Variants in PKHD1 observed in about 807,000 individuals in gnomAD.
The protein encoded by PKHD1 is PKHD1 ciliary IPT domain containing fibrocystin/polyductin, also known as fibrocystin.
In PKHD1, 291 loss-of-function variants were observed where a neutral mutation model predicts 412.0. The ratio of observed to expected loss-of-function variants is 0.71; its 90% CI spans 0.64 to 0.78. The LOEUF (loss-of-function observed/expected upper bound fraction) is 0.78, where lower values mean the gene tolerates loss of function less well. Among genes scored for constraint, PKHD1 ranks in the 30% least tolerant of loss-of-function variants. The pLI is 0.00. For missense variants in PKHD1, 4,825 were observed against 4,950.7 expected (o/e 0.97, Z 0.76); for synonymous variants, 1,777 against 1,821.5 (o/e 0.98, Z 0.62).
chr6:51,744,214 A>AT (rs1157590578), intron 60 of PKHD1, among the ~76,000 whole-genome samples, 171 bp downstream of exon 60: 1 of 131,320 alleles, frequency 7.6e-6, no homozygotes, highest in Non-Finnish European at 1.7e-5. Context: ...AGATCACATA[A>AT]TGACTCAGCA....
intron 37 of PKHD1, among the ~76,000 whole-genome samples, chr6:51,917,195 GGAGAGAGA>G (rs70977317): frequency 1.8e-5 from 2 of 114,040 alleles, no homozygotes; most frequent in South Asian, 3.5e-4. Flanking sequence ...GAGGTGGGGG[GGAGAGAGA>G]GAGAGAGAGA....
chr6:51,766,036 G>A (rs774181525), intron 55 of PKHD1, among the ~76,000 whole-genome samples: 21 of 151,726 alleles, frequency 1.4e-4, no homozygotes, highest in Admixed American at 2.6e-4. Flanking sequence ...TACATAACCC[G>A]CCCCTTCACA....
intron 34 of PKHD1, among the ~76,000 whole-genome samples, chr6:52,013,222 G>A (rs1234148412): frequency 6.6e-6 from 1 of 152,116 alleles, no homozygotes; most frequent in Non-Finnish European, 1.5e-5. Flanking sequence ...CTCTTCGCTG[G>A]CAGAGGTACA....
intron 60 of PKHD1, among the ~76,000 whole-genome samples, chr6:51,660,951 T>C (rs1013635852): frequency 2.6e-5 from 4 of 152,150 alleles, no homozygotes; most frequent in Non-Finnish European, 5.9e-5. Context: ...TGAGGCTTGA[T>C]GTTCCAACCC....
chr6:51,884,953 G>A (rs991345747), intron 45 of PKHD1, among the ~76,000 whole-genome samples: 1 of 152,154 alleles, frequency 6.6e-6, no homozygotes, highest in Non-Finnish European at 1.5e-5. Flanking sequence ...CCTGTTAGCT[G>A]TCCTAATTGT....
At chr6:51,960,902 T>C (rs1791932639) in intron 35 of PKHD1, among the ~76,000 whole-genome samples, 1 of 152,142 alleles carries the variant, frequency 6.6e-6, no homozygotes. Flanking sequence ...CAGAAAGCAA[T>C]ATTGAGCTCA....
At chr6:51,622,368 G>A (rs1561973894) in intron 66 of PKHD1, 1 of 152,000 alleles carries the variant, frequency 6.6e-6, no homozygotes, top group African/African-American at 2.4e-5. Flanking sequence ...AGTTCCATGT[G>A]CAACATTCAG....
At chr6:52,012,473 G>A (rs997506632) in intron 34 of PKHD1, among the ~76,000 whole-genome samples, 2 of 152,068 alleles carry the variant, frequency 1.3e-5, no homozygotes, top group Non-Finnish European at 2.9e-5. Context: ...CTGATCCTTC[G>A]TCCACAGGGC....
At chr6:51,749,887 C>T (rs960411792) in intron 57 of PKHD1, among the ~76,000 whole-genome samples, 3 of 152,148 alleles carry the variant, frequency 2.0e-5, no homozygotes, top group Admixed American at 6.6e-5. Context: ...TAGGTCACAA[C>T]TTTGGCTCCT....
At chr6:52,074,404 G>T (rs1475245691) in intron 6 of PKHD1, among the ~76,000 whole-genome samples, 8 of 152,164 alleles carry the variant, frequency 5.3e-5, no homozygotes, top group Non-Finnish European at 1.2e-4. Context: ...CTAATGACAG[G>T]CAAAGGTCAC....
chr6:51,933,419 G>C (rs573171654), intron 37 of PKHD1, among the ~76,000 whole-genome samples: 1 of 152,250 alleles, frequency 6.6e-6, no homozygotes, highest in South Asian at 2.1e-4. Context: ...ACAGGAAGAG[G>C]TTCAACAACT....
At chr6:51,896,714 C>T (rs1780101394) in intron 43 of PKHD1, among the ~76,000 whole-genome samples, 2 of 152,106 alleles carry the variant, frequency 1.3e-5, no homozygotes, top group South Asian at 4.1e-4. Flanking sequence ...TCAAATTACT[C>T]CAAGCTACGG....
intron 61 of PKHD1, among the ~76,000 whole-genome samples, chr6:51,655,845 C>T (rs1445327274): frequency 6.6e-6 from 1 of 152,134 alleles, no homozygotes; most frequent in East Asian, 1.9e-4. Context: ...ATAACAGATG[C>T]TGGTGAGCCT....
At chr6:51,621,154 T>C (rs1766565542) in intron 66 of PKHD1, among the ~76,000 whole-genome samples, 1 of 152,178 alleles carries the variant, frequency 6.6e-6, no homozygotes, top group African/African-American at 2.4e-5. Context: ...ATTAGTCACC[T>C]TTCCTTATGT....
At position 51,955,197 on chromosome 6, in the gene PKHD1, A is replaced by AT. The variant is rs66873717; in HGVS notation, c.5908+4672dup. ...GTGTTTAACGGTGCCCCTAAAAAATATTTTTTTTTTAAAAAAGGGAGGGAG... is the reference window on the plus strand; with the variant it reads ...GTGTTTAACGGTGCCCCTAAAAAATATTTTTTTTTTTAAAAAAGGGAGGGAG... On this transcript the variant is annotated intron_variant, in intron 36 of 66. Coordinates refer to ENST00000371117, the MANE Select transcript of PKHD1 (RefSeq NM_138694.4). Among the ~76,000 whole-genome samples, 91 of 150,772 alleles carry AT rather than the reference A, an allele frequency of 6.0e-4. 1 individual carries two copies. Among genetic ancestry groups the AT allele is most frequent in the East Asian group, 5.4e-3 (28 of 5,146 alleles).
intron 37 of PKHD1, among the ~76,000 whole-genome samples, chr6:51,915,842 T>G (rs1040233205): frequency 1.4e-4 from 22 of 151,916 alleles, no homozygotes; most frequent in African/African-American, 5.1e-4. Flanking sequence ...GGCAGACAGA[T>G]GAACTCACAG....
At chr6:51,740,078 C>G (rs1332843576) in intron 60 of PKHD1, 1 of 513,390 alleles carries the variant, frequency 1.9e-6, no homozygotes, top group African/African-American at 1.9e-5. Flanking sequence ...GAAATCCTTT[C>G]GAGAATAAAA....
intron 52 of PKHD1, among the ~76,000 whole-genome samples, chr6:51,805,198 AT>A (rs1763580163): frequency 6.6e-6 from 1 of 152,236 alleles, no homozygotes; most frequent in African/African-American, 2.4e-5. Flanking sequence ...CTACACAGCC[AT>A]AAAAAAGAAT....
chr6:52,034,570 A>G (rs1803634176), intron 28 of PKHD1, among the ~76,000 whole-genome samples: 1 of 152,192 alleles, frequency 6.6e-6, no homozygotes, highest in Non-Finnish European at 1.5e-5. Flanking sequence ...CACGTGCACA[A>G]TGATGGTGGG....
Sources: gnomAD v4.1 joint callset for allele counts (sites outside exome capture counted in the v4.1 genomes callset) on GRCh38, gnomAD v4.1.1 for gene constraint, MANE v1.5 for transcripts, NCBI Gene and HGNC (gene_info 2026-07-23, HGNC 2026-07-21) for gene names.